SGCZ: variants seen among roughly 807,000 people sequenced by gnomAD.
SGCZ encodes the protein zeta-sarcoglycan.
A neutral mutation model predicts 41.3 loss-of-function variants in SGCZ; 40 were observed. That is an observed-to-expected ratio of 0.97 (90% CI 0.75 to 1.26). The LOEUF is 1.26. Among genes scored for constraint, SGCZ ranks in the 50% most tolerant of loss-of-function variants. The pLI is 0.00. For missense variants in SGCZ, 552 were observed against 369.8 expected, an observed-to-expected ratio of 1.49 and a Z score of -4.04; for synonymous variants, 206 against 137.5, an observed-to-expected ratio of 1.50 and a Z score of -3.49.
chr8:15,097,152 G>T (rs1169177362), intron 1 of SGCZ, among the ~76,000 whole-genome samples: 1 of 152,048 alleles, frequency 6.6e-6, no homozygotes, highest in Non-Finnish European at 1.5e-5. Flanking sequence ...CAAACTGTTT[G>T]GGCCACTGTT....
chr8:14,868,411 T>C (rs1336169753), intron 1 of SGCZ, among the ~76,000 whole-genome samples: 2 of 152,184 alleles, frequency 1.3e-5, no homozygotes, highest in African/African-American at 4.8e-5. Flanking sequence ...ACCAAAATTC[T>C]GTTAATATAA....
chr8:14,477,855 C>A (rs376599045), intron 2 of SGCZ, among the ~76,000 whole-genome samples: 2 of 152,202 alleles, frequency 1.3e-5, no homozygotes, highest in African/African-American at 4.8e-5. Context: ...CTTAATATCA[C>A]TCCTTGGTCC....
chr8:14,968,138 T>C (rs1801178944), intron 1 of SGCZ, among the ~76,000 whole-genome samples: 1 of 152,198 alleles, frequency 6.6e-6, no homozygotes, highest in African/African-American at 2.4e-5. Context: ...TGTTTGACTC[T>C]AGTTTAGAGA....
intron 2 of SGCZ, among the ~76,000 whole-genome samples, chr8:14,341,072 C>T (rs980030486): frequency 4.6e-5 from 7 of 152,182 alleles, no homozygotes; most frequent in Non-Finnish European, 1.5e-5. Flanking sequence ...ACTGTGTCTT[C>T]AAGAGTCATC....
intron 1 of SGCZ, among the ~76,000 whole-genome samples, chr8:15,017,337 G>A (rs1019261765): frequency 6.6e-6 from 1 of 152,132 alleles, no homozygotes; most frequent in Non-Finnish European, 1.5e-5. Flanking sequence ...TATTGCAACT[G>A]CTATGCTCCC....
At chr8:15,142,946 T>C (rs746872947) in intron 1 of SGCZ, among the ~76,000 whole-genome samples, 21 of 152,300 alleles carry the variant, frequency 1.4e-4, no homozygotes, top group Non-Finnish European at 2.1e-4. Flanking sequence ...CTATCTGTAA[T>C]ATTTTTATGG....
chr8:14,391,257 A>G (rs1212576585), intron 2 of SGCZ, among the ~76,000 whole-genome samples: 1 of 152,172 alleles, frequency 6.6e-6, no homozygotes, highest in Non-Finnish European at 1.5e-5. Context: ...AAATAGGTTC[A>G]GTCTTCTGAC....
At chr8:14,449,656 A>G (rs1030709513) in intron 2 of SGCZ, among the ~76,000 whole-genome samples, 3 of 152,154 alleles carry the variant, frequency 2.0e-5, no homozygotes, top group Admixed American at 6.6e-5. Context: ...AGATCTAAAG[A>G]TAGACCCCGC....
chr8:14,686,612 T>C (rs948419022), intron 1 of SGCZ, among the ~76,000 whole-genome samples: 1 of 152,030 alleles, frequency 6.6e-6, no homozygotes, highest in African/African-American at 2.4e-5. Flanking sequence ...ATCATGGCTA[T>C]TATTAAGTAG....
chr8:14,702,704 T>C lies in SGCZ; in HGVS notation c.40-147778A>G, dbSNP rs560133914. 2.2e-4 allele frequency among the ~76,000 whole-genome samples: 32 copies of C among 146,150 alleles called. 1 individual carries two copies. The highest frequency in any genetic ancestry group is 3.5e-3 in the Middle Eastern group (1 of 284). On this transcript the variant is annotated intron_variant, in intron 1 of 7. Transcript: ENST00000382080. ...TGACTTTCTCTCAAATGCCAGTTCA[T>C]ATATCAGCAAATTCTGCTGGCTTCA...
chr8:14,470,330 G>C (rs1051011311), intron 2 of SGCZ, among the ~76,000 whole-genome samples: 3 of 151,988 alleles, frequency 2.0e-5, no homozygotes, highest in Non-Finnish European at 4.4e-5. Flanking sequence ...TCCAGTGCCT[G>C]GTCAATTTGT....
chr8:15,235,557 C>G (rs1247926376), intron 1 of SGCZ, among the ~76,000 whole-genome samples: 4 of 152,170 alleles, frequency 2.6e-5, no homozygotes, highest in Non-Finnish European at 5.9e-5. Context: ...CCAGTACACT[C>G]TGGCTATGAG....
chr8:14,946,859 A>G (rs1030710491), intron 1 of SGCZ, among the ~76,000 whole-genome samples: 4 of 151,890 alleles, frequency 2.6e-5, no homozygotes, highest in African/African-American at 9.7e-5. Context: ...TATTTTTAGT[A>G]GAGACGGGGT....
At chr8:14,467,649 A>G (rs1350890747) in intron 2 of SGCZ, among the ~76,000 whole-genome samples, 3 of 152,064 alleles carry the variant, frequency 2.0e-5, no homozygotes, top group Admixed American at 6.6e-5. Context: ...TCAGAATTCC[A>G]AAGTAGTAAC....
At chr8:14,374,479 T>C (rs1270404428) in intron 2 of SGCZ, among the ~76,000 whole-genome samples, 1 of 152,214 alleles carries the variant, frequency 6.6e-6, no homozygotes, top group Non-Finnish European at 1.5e-5. Flanking sequence ...GAATTTTTTT[T>C]TCCAGTGAAA....
intron 2 of SGCZ, among the ~76,000 whole-genome samples, chr8:14,437,010 T>C (rs1389490263): frequency 1.3e-5 from 2 of 151,442 alleles, no homozygotes; most frequent in African/African-American, 4.9e-5. Context: ...AATAGATTCA[T>C]CCTTTACCAG....
chr8:14,350,208 G>A (rs1803039297), intron 2 of SGCZ, among the ~76,000 whole-genome samples: 1 of 151,682 alleles, frequency 6.6e-6, no homozygotes, highest in Non-Finnish European at 1.5e-5. Flanking sequence ...GTTTATGATG[G>A]GAACAGTTTA....
chr8:14,280,801 G>GT (rs34134846), intron 3 of SGCZ, among the ~76,000 whole-genome samples: 4 of 147,904 alleles, frequency 2.7e-5, no homozygotes, highest in African/African-American at 9.9e-5. Flanking sequence ...AAACTATAGG[G>GT]TTTTTTTTTT....
At chr8:14,569,764 A>C (rs549120152) in intron 1 of SGCZ, among the ~76,000 whole-genome samples, 6 of 152,278 alleles carry the variant, frequency 3.9e-5, no homozygotes, top group African/African-American at 1.2e-4. Flanking sequence ...TTTTGAGTAA[A>C]GTCCAGGAGG....
Sources: gnomAD v4.1 joint callset for allele counts (sites outside exome capture counted in the v4.1 genomes callset) on GRCh38, gnomAD v4.1.1 for gene constraint, MANE v1.5 for transcripts, NCBI Gene and HGNC (gene_info 2026-07-23, HGNC 2026-07-21) for gene names.